PLPP3: variants seen among roughly 807,000 people sequenced by gnomAD.
The protein encoded by PLPP3 is phospholipid phosphatase 3, also known as PAP2 beta.
A neutral mutation model predicts 29.6 loss-of-function variants in PLPP3; 6 were observed. The observed-to-expected ratio is 0.20, with a 90% CI of 0.11 to 0.40. The LOEUF (loss-of-function observed/expected upper bound fraction) is 0.40, where lower values mean the gene tolerates loss of function less well. Among genes scored for constraint, PLPP3 ranks in the 10% least tolerant of loss-of-function variants. The pLI is 1.00. For missense variants in PLPP3, 308 were observed against 407.7 expected, an observed-to-expected ratio of 0.76 and a Z score of 2.11; for synonymous variants, 152 against 159.7, an observed-to-expected ratio of 0.95 and a Z score of 0.36.
At chr1:56,557,820 A>T (rs889614506) in intron 1 of PLPP3, among the ~76,000 whole-genome samples, 4 of 152,164 alleles carry the variant, frequency 2.6e-5, no homozygotes. Flanking sequence ...GAAACCTTAT[A>T]CTTCCTCCAT....
intron 1 of PLPP3, among the ~76,000 whole-genome samples, chr1:56,544,457 T>G (rs1170769880): frequency 6.6e-6 from 1 of 152,232 alleles, no homozygotes; most frequent in African/African-American, 2.4e-5. Flanking sequence ...AAGACCTCCT[T>G]CCTTTTGAAT....
At chr1:56,540,262 T>C (rs1645959098) in intron 1 of PLPP3, among the ~76,000 whole-genome samples, 2 of 152,126 alleles carry the variant, frequency 1.3e-5, no homozygotes, top group South Asian at 2.1e-4. Flanking sequence ...TAACTATATA[T>C]ATTAAGTTAC....
intron 5 of PLPP3, among the ~76,000 whole-genome samples, chr1:56,507,981 C>A (rs1292900943): frequency 6.6e-6 from 1 of 152,176 alleles, no homozygotes; most frequent in Non-Finnish European, 1.5e-5. Flanking sequence ...CAGATCTCCC[C>A]TTAGATCCTC....
At chr1:56,566,703 C>T (rs1048029852) in intron 1 of PLPP3, among the ~76,000 whole-genome samples, 17 of 152,308 alleles carry the variant, frequency 1.1e-4, no homozygotes, top group African/African-American at 4.1e-4. Flanking sequence ...AAGCACCTAA[C>T]AATAAATGGG....
intron 4 of PLPP3, among the ~76,000 whole-genome samples, chr1:56,523,260 A>G (rs1294491123): frequency 6.6e-6 from 1 of 152,208 alleles, no homozygotes; most frequent in Non-Finnish European, 1.5e-5. Flanking sequence ...TCCGTAGAAT[A>G]TAGAGGACTG....
rs574625325 is a variant in PLPP3 at position 56,532,057 on chromosome 1, A to C, written c.297+4898T>G. ...CATGAATCCCTAAGAGCTGTACCTA[A>C]CTAAGGAAGAATTGCTGCTGTTCTC... On this transcript the variant is annotated intron_variant, in intron 2 of 5. Transcript: ENST00000371250. 3.3e-5 allele frequency among the ~76,000 whole-genome samples: 5 copies of C among 152,304 alleles called. No individual in the cohort carries two copies. In the East Asian group the frequency reaches 9.6e-4, roughly 29 times the overall value.
At chr1:56,512,461 A>G in intron 4 of PLPP3, 1 of 221,594 alleles carries the variant, frequency 4.5e-6, no homozygotes, top group Non-Finnish European at 8.8e-6. Flanking sequence ...AAAATACAAA[A>G]ATTATCTGGG....
intron 1 of PLPP3, among the ~76,000 whole-genome samples, chr1:56,562,545 C>T (rs1160251674): frequency 6.6e-6 from 1 of 152,202 alleles, no homozygotes; most frequent in African/African-American, 2.4e-5. Context: ...CAAGAGCTTG[C>T]AGTTGCAAAA....
At chr1:56,520,408 C>G (rs968584512) in intron 4 of PLPP3, among the ~76,000 whole-genome samples, 3 of 152,104 alleles carry the variant, frequency 2.0e-5, no homozygotes, top group African/African-American at 7.2e-5. Flanking sequence ...AAAAACAGCA[C>G]TGGGTACACC....
intron 1 of PLPP3, among the ~76,000 whole-genome samples, chr1:56,577,187 T>C (rs1305860194): frequency 6.6e-6 from 1 of 152,204 alleles, no homozygotes; most frequent in Non-Finnish European, 1.5e-5. Context: ...TAGTGCTTCC[T>C]TGTACTCCCC....
chr1:56,520,267 G>C (rs1645809872), intron 4 of PLPP3, among the ~76,000 whole-genome samples: 1 of 152,142 alleles, frequency 6.6e-6, no homozygotes, highest in Non-Finnish European at 1.5e-5. Context: ...AGCTGGTCAT[G>C]GATACAGCCA....
At chr1:56,567,393 C>CTTTT (rs1172831045) in intron 1 of PLPP3, among the ~76,000 whole-genome samples, 71 of 116,954 alleles carry the variant, frequency 6.1e-4, no homozygotes, top group East Asian at 3.0e-3. Context: ...TAAGGTATTT[C>CTTTT]TTTTTTTTTT....
Position 56,538,296 on chromosome 1 carries a change from C to G in PLPP3, c.140-1184G>C, listed in dbSNP as rs528571681. On this transcript the variant is annotated intron_variant, in intron 1 of 5. Transcript: ENST00000371250. ...ATGCTATTCTCTTAGACCAAAATAC[C>G]TCTTCCTCCCCAACTACCCAACTGC... Among the ~76,000 whole-genome samples the G allele has an allele frequency of 2.6e-5, 4 of 152,238 alleles. No homozygotes were observed. The South Asian group carries it at 8.3e-4, about 32-fold the overall frequency.
At position 56,524,540 on chromosome 1, in the gene PLPP3, T is replaced by C. The variant is rs757418849; in HGVS notation, c.312A>G (p.Glu104=). The C allele has an allele frequency of 1.2e-6, 2 of 1,610,098 alleles. No individual in the cohort carries two copies. Among genetic ancestry groups the C allele is most frequent in the Non-Finnish European group, 1.7e-6 (2 of 1,176,506 alleles). Residue 104 remains glutamate, a synonymous_variant, in exon 3 of 6, where the codon GAA becomes GAG. Coordinates refer to ENST00000371250, the MANE Select transcript of PLPP3 (RefSeq NM_003713.5). The surrounding 1 kb of genome is among the most constrained non-coding windows in gnomAD (Gnocchi z 4.3). ...TCTTCAGGTAATAGATCCGGTAGAA[T>C]TCCCCCGTGATGATCTAAAAGGAAT... ...VIAILAIITG[E]FYRIYYLKKS...
At position 56,578,872 on chromosome 1, in the gene PLPP3, G is replaced by T; in HGVS notation, c.139+6C>A. On this transcript the variant is annotated splice_donor_region_variant and intron_variant, in intron 1 of 5. Coordinates refer to ENST00000371250, the MANE Select transcript of PLPP3 (RefSeq NM_003713.5). ...AGGGGCCGAGGGACAGCGGGGCTGGGCTCACCCATGAAGAGGCAGAAGAGG... is the reference window on the plus strand; with the variant it reads ...AGGGGCCGAGGGACAGCGGGGCTGGTCTCACCCATGAAGAGGCAGAAGAGG... The T allele has an allele frequency of 6.4e-7, 1 of 1,561,798 alleles. No homozygotes were observed. Among genetic ancestry groups the T allele is most frequent in the Non-Finnish European group, 8.6e-7 (1 of 1,157,012 alleles).
Position 56,524,304 on chromosome 1 carries a change from C to T in PLPP3, c.548G>A (p.Gly183Asp). The T allele has an allele frequency of 6.2e-7, 1 of 1,613,918 alleles. No individual in the cohort carries two copies. The highest frequency in any genetic ancestry group is 1.7e-5 in the Admixed American group (1 of 60,010). Residue 183 changes from glycine (G) to aspartate (D), a missense_variant, in exon 3 of 6, where the codon GGT becomes GAT. Physicochemically the swap from Gly to Asp is moderately conservative, Grantham distance 94. Coordinates refer to ENST00000371250, the MANE Select transcript of PLPP3 (RefSeq NM_003713.5). The surrounding 1 kb of genome is among the most constrained non-coding windows in gnomAD (Gnocchi z 4.3). ...GGCTTCCTGGACTTTGCTGTCATCA[C>T]CTCTGCATCTGTAGTTCTGAATGTA... ...EGYIQNYRCR[G>D]DDSKVQEARK...
intron 1 of PLPP3, among the ~76,000 whole-genome samples, chr1:56,563,581 A>C (rs922288605): frequency 6.6e-6 from 1 of 152,202 alleles, no homozygotes; most frequent in African/African-American, 2.4e-5. Flanking sequence ...ATATATTTTC[A>C]GTAAAAGTGG....
chr1:56,546,434 T>G (rs1364631292), intron 1 of PLPP3, among the ~76,000 whole-genome samples: 1 of 152,242 alleles, frequency 6.6e-6, no homozygotes, highest in African/African-American at 2.4e-5. Flanking sequence ...TAACTCTTGA[T>G]GCCGTAATGT....
intron 1 of PLPP3, among the ~76,000 whole-genome samples, chr1:56,576,550 A>AG (rs1491479804): frequency 1.3e-5 from 2 of 152,228 alleles, no homozygotes; most frequent in Admixed American, 1.3e-4. Context: ...GCCTGTGCTC[A>AG]GGGGAAACAT....
Sources: allele counts gnomAD v4.1 joint callset (sites outside exome capture counted in the v4.1 genomes callset), GRCh38; gene constraint gnomAD v4.1.1; non-coding constraint Gnocchi (gnomAD v3.1); transcripts MANE v1.5; gene names NCBI Gene and HGNC (gene_info 2026-07-23, HGNC 2026-07-21).